The following PLCG2 variants were observed in gnomAD, a reference collection of about 807,000 sequenced individuals.
PLCG2 encodes the protein phospholipase C gamma 2, also known as 1-phosphatidylinositol 4,5-bisphosphate phosphodiesterase gamma-2.
In PLCG2, 69 loss-of-function variants were observed where a neutral mutation model predicts 175.6. The observed-to-expected ratio is 0.39, with a 90% confidence interval of 0.32 to 0.48. PLCG2 has a LOEUF of 0.48. Among genes scored for constraint, PLCG2 ranks in the 20% least tolerant of loss-of-function variants. The pLI is 0.91. For synonymous variants in PLCG2, 827 were observed against 624.0 expected (o/e 1.33, Z -4.85); for missense variants, 1,798 against 1,650.9 (o/e 1.09, Z -1.54).
chr16:81,832,974 A>G (rs1905327679), intron 2 of PLCG2, among the ~76,000 whole-genome samples: 1 of 152,226 alleles, frequency 6.6e-6, no homozygotes, highest in South Asian at 2.1e-4. Flanking sequence ...GGGCCATGAC[A>G]GTAACTGAGG....
chr16:81,938,532 G>C (rs1017605938), intron 28 of PLCG2: 1 of 488,638 alleles, frequency 2.0e-6, no homozygotes, highest in Non-Finnish European at 3.7e-6. Context: ...GGGCATGGAT[G>C]TGTGCATTCA....
At chr16:81,801,139 C>T (rs1375569712) in intron 2 of PLCG2, among the ~76,000 whole-genome samples, 1 of 152,180 alleles carries the variant, frequency 6.6e-6, no homozygotes, top group East Asian at 1.9e-4. Flanking sequence ...AGCTATTATG[C>T]ATGTGGGAAT....
At chr16:81,861,041 C>A (rs765409067) in intron 5 of PLCG2, among the ~76,000 whole-genome samples, 4 of 152,114 alleles carry the variant, frequency 2.6e-5, no homozygotes, top group Admixed American at 6.6e-5. Context: ...CAAGAAAAAA[C>A]CAAAAAAACC....
chr16:81,772,711 G>T (rs928858533), intron 2 of PLCG2, among the ~76,000 whole-genome samples: 4 of 151,524 alleles, frequency 2.6e-5, no homozygotes, highest in African/African-American at 4.8e-5. Flanking sequence ...CCAGCTACTC[G>T]GGAGGCTGAG....
At chr16:81,931,363 G>A (rs1381671583) in intron 24 of PLCG2, 134 bp from the exon 25 acceptor site, 6 of 719,936 alleles carry the variant, frequency 8.3e-6, no homozygotes, top group East Asian at 5.1e-5. Flanking sequence ...GAAAGTAGAC[G>A]TCCCCATCAG....
Position 81,859,088 on chromosome 16 carries a change from C to G in PLCG2, c.432-28C>G, listed in dbSNP as rs757824678. The G allele has an allele frequency of 2.8e-6, 4 of 1,443,782 alleles. No individual in the cohort carries two copies. The South Asian group carries it at 3.4e-5, about 12-fold the overall frequency. 89.4% of individuals were successfully genotyped at this position (1,443,782 alleles called of 1,614,324 possible). ...CTATTTTCTAATTTTCTCTTTCTCTCTTTCTTTTGTCTCATATTTCTTTCC... is the reference window on the plus strand; with the variant it reads ...CTATTTTCTAATTTTCTCTTTCTCTGTTTCTTTTGTCTCATATTTCTTTCC... On this transcript the variant is annotated intron_variant, in intron 4 of 32. Transcript: ENST00000564138.
At chr16:81,859,789 G>C (rs927944825) in intron 5 of PLCG2, among the ~76,000 whole-genome samples, 1 of 152,082 alleles carries the variant, frequency 6.6e-6, no homozygotes, top group Non-Finnish European at 1.5e-5. Flanking sequence ...GCCCACCTTG[G>C]CCTCCCAAAG....
intron 2 of PLCG2, among the ~76,000 whole-genome samples, chr16:81,850,497 C>T (rs1597353939): frequency 2.0e-5 from 3 of 152,260 alleles, no homozygotes; most frequent in Non-Finnish European, 4.4e-5. Flanking sequence ...CTTTTACTGA[C>T]CGTGCGTTCT....
At chr16:81,896,607 C>CA (rs1161517100) in intron 13 of PLCG2, among the ~76,000 whole-genome samples, 6 of 150,906 alleles carry the variant, frequency 4.0e-5, no homozygotes, top group Non-Finnish European at 7.4e-5. Context: ...AAACAAAAAC[C>CA]AAAAAAAAAG....
chr16:81,918,233 T>A (rs1180988241), intron 19 of PLCG2, among the ~76,000 whole-genome samples: 5 of 152,230 alleles, frequency 3.3e-5, no homozygotes, highest in Non-Finnish European at 7.3e-5. Flanking sequence ...TTCACTTTTG[T>A]TGCCTGTGCT....
At chr16:81,845,142 G>A (rs1013392163) in intron 2 of PLCG2, among the ~76,000 whole-genome samples, 1 of 151,950 alleles carries the variant, frequency 6.6e-6, no homozygotes, top group African/African-American at 2.4e-5. Context: ...GTATTGCTTT[G>A]TTGCCCAGGT....
chr16:81,751,794 G>A (rs116778177), intron 1 of PLCG2, among the ~76,000 whole-genome samples: 3,158 of 152,148 alleles, frequency 0.021, 45 homozygotes, highest in African/African-American at 0.039. Flanking sequence ...AGTCACGGTG[G>A]GTGGATCACC....
chr16:81,857,043 C>G (rs1023509574), intron 3 of PLCG2, among the ~76,000 whole-genome samples: 1 of 152,160 alleles, frequency 6.6e-6, no homozygotes, highest in Non-Finnish European at 1.5e-5. Context: ...CTATTTTAGA[C>G]TTCTGGCCTC....
At chr16:81,956,970 C>G in intron 32 of PLCG2, 91 bp downstream of exon 32, 1 of 1,126,606 alleles carries the variant, frequency 8.9e-7, no homozygotes, top group Admixed American at 2.1e-5. Context: ...GGAAAGCCCT[C>G]TGAGTTGCTT....
At chr16:81,878,792 CT>C (rs1449931721) in intron 7 of PLCG2, among the ~76,000 whole-genome samples, 1 of 152,194 alleles carries the variant, frequency 6.6e-6, no homozygotes, top group African/African-American at 2.4e-5. Flanking sequence ...GGATGCCCGA[CT>C]GTCTTCCTTA....
intron 1 of PLCG2, among the ~76,000 whole-genome samples, chr16:81,742,892 G>A (rs536346161): frequency 2.6e-5 from 4 of 152,196 alleles, no homozygotes; most frequent in East Asian, 1.9e-4. Context: ...TCTTCCAGAC[G>A]TGTGAAGAGG....
At chr16:81,779,706 A>G (rs1910643300) in intron 1 of PLCG2, among the ~76,000 whole-genome samples, 1 of 152,160 alleles carries the variant, frequency 6.6e-6, no homozygotes, top group South Asian at 2.1e-4. Context: ...GGGGACCGGG[A>G]GGAAGGTCAG....
At chr16:81,828,022 G>A (rs368139970) in intron 2 of PLCG2, among the ~76,000 whole-genome samples, 17 of 150,080 alleles carry the variant, frequency 1.1e-4, no homozygotes, top group East Asian at 6.0e-4. Flanking sequence ...CCTGGGAGGC[G>A]GAGCTTGCAC....
intron 2 of PLCG2, among the ~76,000 whole-genome samples, chr16:81,839,297 G>A (rs1420611141): frequency 6.6e-6 from 1 of 151,884 alleles, no homozygotes; most frequent in Non-Finnish European, 1.5e-5. Flanking sequence ...TGCAGTTTGA[G>A]AAATAATGTC....
Sources: gnomAD v4.1 joint callset for allele counts (sites outside exome capture counted in the v4.1 genomes callset) on GRCh38, gnomAD v4.1.1 for gene constraint, MANE v1.5 for transcripts, NCBI Gene and HGNC (gene_info 2026-07-23, HGNC 2026-07-21) for gene names.